PITRM1: variants seen among roughly 807,000 people sequenced by gnomAD.
PITRM1 encodes presequence protease, mitochondrial.
A neutral mutation model predicts 129.9 loss-of-function variants in PITRM1; 100 were observed. The ratio of observed to expected loss-of-function variants is 0.77; its 90% CI spans 0.65 to 0.91. PITRM1 has a LOEUF of 0.91. Ranked by LOEUF, PITRM1 falls within the 40% of genes least tolerant of loss-of-function variation. The pLI, the probability that PITRM1 is intolerant of heterozygous loss-of-function variation, is 0.00. For missense variants in PITRM1, 1,471 were observed against 1,318.3 expected (o/e 1.12, Z -1.79); for synonymous variants, 591 against 508.8 (o/e 1.16, Z -2.17).
Position 3,138,321 on chromosome 10 carries a change from CAAG to C in PITRM1, c.2931_2933del (p.Phe977del), listed in dbSNP as rs754156198. The C allele has an allele frequency of 2.4e-5, 39 of 1,613,098 alleles. No homozygotes were observed. The highest frequency in any genetic ancestry group is 3.1e-5 in the Non-Finnish European group (37 of 1,179,240). ...GCTTCATCTCATCCGAGAGGCCGTA[CAAG>C]AAGTGGTCCATTCCTAGAAGACAAT... On this transcript the variant is annotated inframe_deletion, in exon 26 of 27. Transcript: ENST00000224949.
rs1261230983 is a variant in PITRM1, at chr10:3,162,391, ATAAAG to A, written c.791+1329_791+1333del. ...GAACTAGAAAACTTCGCAAACTCTA[ATAAAG>A]TAATTGATTCAGGCAATAATCCTCA... On this transcript the variant is annotated intron_variant, in intron 7 of 26. Coordinates refer to ENST00000224949, the MANE Select transcript of PITRM1 (RefSeq NM_014889.4). Among the ~76,000 whole-genome samples the A allele has an allele frequency of 5.3e-5, 8 of 152,226 alleles. No individual in the cohort carries two copies. In the South Asian group the frequency reaches 1.2e-3, roughly 24 times the overall value.
Position 3,163,730 on chromosome 10 carries a change from A to G in PITRM1, c.786T>C (p.Asn262=), listed in dbSNP as rs774764619. The change falls in exon 7 of 27, where the codon AAT becomes AAC. Residue 262 remains asparagine, a synonymous_variant. Transcript: ENST00000224949. ...CTTTTCCAACAAAATATTACCTAGC[A>G]TTGCTTGGGTGATAGTGAGTGGCAT... ...QFHATHYHPS[N]ARFFTYGNFP... 1.2e-6 allele frequency: 2 copies of G among 1,602,460 alleles called. No individual in the cohort carries two copies. The highest frequency in any genetic ancestry group is 1.7e-6 in the Non-Finnish European group (2 of 1,175,250).
chr10:3,156,785 A>T (rs1255137524), intron 13 of PITRM1, 145 bp downstream of exon 13: 1 of 556,990 alleles, frequency 1.8e-6, no homozygotes, highest in Non-Finnish European at 3.0e-6. Flanking sequence ...AATTAAGTTA[A>T]TGTAAGCATT....
intron 24 of PITRM1, 84 bp downstream of exon 24, chr10:3,140,603 G>T: frequency 7.7e-7 from 1 of 1,290,538 alleles, no homozygotes; most frequent in Non-Finnish European, 1.1e-6. Flanking sequence ...ATTCACTGCA[G>T]TAGAAGAAAA....
chr10:3,148,243 T>G lies in PITRM1; in HGVS notation c.1920A>C (p.Glu640Asp). The G allele has an allele frequency of 1.9e-6, 3 of 1,613,992 alleles. No individual in the cohort carries two copies. Among genetic ancestry groups the G allele is most frequent in the Non-Finnish European group, 2.5e-6 (3 of 1,179,880 alleles). ...LDYREQAQQIELKTGGMSASP... is the reference protein window; with the variant it reads ...LDYREQAQQIDLKTGGMSASP... ...AAGCACTCATCCCTCCGGTCTTCAATTCTATCTGCTGAGCCTGCTCCCGGT... is the reference window on the plus strand; with the variant it reads ...AAGCACTCATCCCTCCGGTCTTCAAGTCTATCTGCTGAGCCTGCTCCCGGT... Residue 640 changes from glutamate to aspartate, a missense_variant, in exon 17 of 27, where the codon GAA (glutamate) becomes GAC (aspartate). Glu to Asp is a conservative substitution (Grantham distance 45). Coordinates refer to ENST00000224949, the MANE Select transcript of PITRM1 (RefSeq NM_014889.4).
Position 3,165,538 on chromosome 10 carries a change from A to ACTTTAGTATT in PITRM1, c.419-12_419-11insAATACTAAAG, listed in dbSNP as rs1226989606. On this transcript the variant is annotated splice_polypyrimidine_tract_variant and intron_variant, in intron 4 of 26. Coordinates refer to ENST00000224949, the MANE Select transcript of PITRM1 (RefSeq NM_014889.4). ...GAGTATAATCACTAGCTGGGTACAA[A>ACTTTAGTATT]TGAAAAGTGAAATTGTAAAATATAA... 1 of 1,408,888 alleles carries ACTTTAGTATT rather than the reference A, an allele frequency of 7.1e-7. No individual in the cohort carries two copies. Among genetic ancestry groups the ACTTTAGTATT allele is most frequent in the Admixed American group, 1.7e-5 (1 of 57,604 alleles). The allele number at this position is 1,408,888 out of a possible 1,614,324, so 87.3% of individuals were successfully genotyped here. A position where few individuals can be genotyped will look rare whatever the true frequency, so the allele number is the denominator to read the frequency against.
intron 14 of PITRM1, among the ~76,000 whole-genome samples, chr10:3,151,619 T>C (rs1841526313): frequency 6.6e-6 from 1 of 152,228 alleles, no homozygotes; most frequent in Non-Finnish European, 1.5e-5. Context: ...TAGGAAGTGG[T>C]GGTTTGCTCA....
At chr10:3,141,535 A>G (rs1393082215) in intron 23 of PITRM1, 1 of 289,994 alleles carries the variant, frequency 3.4e-6, no homozygotes, top group African/African-American at 2.2e-5. Context: ...CTGATAAAGC[A>G]CATTTCTAGG....
intron 6 of PITRM1, 155 bp downstream of exon 6, chr10:3,165,083 C>T: frequency 1.5e-6 from 1 of 659,828 alleles, no homozygotes; most frequent in Non-Finnish European, 2.5e-6. Flanking sequence ...GGCCCTGCTA[C>T]CCCGACTTCT....
chr10:3,170,380 C>A (rs1270443538), intron 1 of PITRM1, among the ~76,000 whole-genome samples, 174 bp from the exon 2 acceptor site: 1 of 152,206 alleles, frequency 6.6e-6, no homozygotes, highest in Non-Finnish European at 1.5e-5. Flanking sequence ...AAGGTCCTTT[C>A]CATTTTAATG....
At chr10:3,166,911 C>T in intron 3 of PITRM1, 25 bp downstream of exon 3, 1 of 1,326,618 alleles carries the variant, frequency 7.5e-7, no homozygotes, top group Non-Finnish European at 1.1e-6. Context: ...CATTCAAGAC[C>T]ATGTTCTTAC....
rs200729800 is a variant in PITRM1 at position 3,165,445 on chromosome 10, G to A, written c.501C>T (p.Thr167=). 1 of 1,613,300 alleles carries A rather than the reference G, an allele frequency of 6.2e-7. No homozygotes were observed. Among genetic ancestry groups the A allele is most frequent in the Non-Finnish European group, 8.5e-7 (1 of 1,179,576 alleles). ...QNLLSVYLDA[T]FFPCLRELDF... ...CCAGCTCGCGTAAACATGGGAAAAA[G>A]GTGGCATCCAAATACACCGAGAGGA... The change falls in exon 5 of 27, where the codon ACC becomes ACT. Residue 167 remains threonine, a synonymous_variant. Transcript: ENST00000224949.
intron 7 of PITRM1, 98 bp from the exon 8 acceptor site, chr10:3,160,428 T>G (rs1488653248): frequency 1.0e-6 from 1 of 989,576 alleles, no homozygotes; most frequent in African/African-American, 1.6e-5. Context: ...GAGTGCCCCT[T>G]ACCCAAGGTC....
rs760156947 is a variant in PITRM1 at position 3,147,208 on chromosome 10, G to C, written c.2278C>G (p.Pro760Ala). 1 of 1,612,820 alleles carries C rather than the reference G, an allele frequency of 6.2e-7. No individual in the cohort carries two copies. Among genetic ancestry groups the C allele is most frequent in the Non-Finnish European group, 8.5e-7 (1 of 1,178,862 alleles). Residue 760 changes from proline (P) to alanine (A), a missense_variant, in exon 20 of 27, where the codon CCC (proline) becomes GCC (alanine). Physicochemically the swap from Pro to Ala is conservative, Grantham distance 27. Transcript: ENST00000224949. ...KRIAEMTDIK[P>A]ILRKLPRIKK... ...ATACGCGGGAGCTTCCTCAGGATGG[G>C]TTTGATATCTGTCATTTCTGCAATC...
chr10:3,162,835 C>T (rs1172318762), intron 7 of PITRM1, among the ~76,000 whole-genome samples: 1 of 152,246 alleles, frequency 6.6e-6, no homozygotes, highest in Non-Finnish European at 1.5e-5. Context: ...CAGGAGAAAC[C>T]CGGGCCGACC....
At chr10:3,163,122 G>C (rs141804732) in intron 7 of PITRM1, 49 of 152,156 alleles carry the variant, frequency 3.2e-4, no homozygotes, top group African/African-American at 1.1e-3. Flanking sequence ...CATTATTCTA[G>C]TATCTCTACT....
intron 21 of PITRM1, chr10:3,144,907 G>A (rs958242997): frequency 2.0e-5 from 3 of 152,514 alleles, no homozygotes; most frequent in African/African-American, 7.2e-5. Context: ...CTTGTTATAT[G>A]GTACAAAGAA....
intron 18 of PITRM1, 113 bp from the exon 19 acceptor site, chr10:3,147,850 A>C (rs1841065367): frequency 8.4e-7 from 1 of 1,187,500 alleles, no homozygotes. Flanking sequence ...GAAATTTTAT[A>C]AGTCCATATG....
Position 3,155,658 on chromosome 10 carries a change from T to A in PITRM1, c.1554A>T (p.Glu518Asp). ...DKYHEKQAQV[E>D]ATKLKQKVEA... ...CGACCTTCTGCTTGAGCTTCGTGGC[T>A]TCCACCTGTGCCTGCTTCTCGTGAT... The change falls in exon 14 of 27, where the codon GAA becomes GAT. Residue 518 changes from glutamate to aspartate, a missense_variant. Coordinates refer to ENST00000224949, the MANE Select transcript of PITRM1 (RefSeq NM_014889.4). 1 of 1,613,942 alleles carries A rather than the reference T, an allele frequency of 6.2e-7. No individual in the cohort carries two copies. Among genetic ancestry groups the A allele is most frequent in the Non-Finnish European group, 8.5e-7 (1 of 1,179,882 alleles).
Sources: gnomAD v4.1 joint callset for allele counts (sites outside exome capture counted in the v4.1 genomes callset) on GRCh38, gnomAD v4.1.1 for gene constraint, MANE v1.5 for transcripts, NCBI Gene and HGNC (gene_info 2026-07-23, HGNC 2026-07-21) for gene names.